The following CLYBL variants were observed in gnomAD, a reference collection of about 807,000 sequenced individuals.
The protein encoded by CLYBL is citramalyl-CoA lyase, mitochondrial.
Under a neutral mutation model 38.9 loss-of-function variants are expected in CLYBL, and 31 were observed. That is an observed-to-expected ratio of 0.80 (90% CI 0.60 to 1.08). The LOEUF is 1.08. CLYBL is among the 50% of genes least tolerant of loss of function. The pLI is 0.00. For synonymous variants in CLYBL, 171 were observed against 158.6 expected (o/e 1.08, Z -0.59); for missense variants, 434 against 411.6 (o/e 1.05, Z -0.47).
downstream of CLYBL, among the ~76,000 whole-genome samples, chr13:99,901,390 T>C (rs1033659856): frequency 7.2e-5 from 11 of 152,100 alleles, no homozygotes; most frequent in African/African-American, 2.7e-4. Context: ...GTTTTGGAGG[T>C]AAATCGAATG....
At chr13:99,755,326 T>C (rs1445635903) in intron 1 of CLYBL, among the ~76,000 whole-genome samples, 1 of 152,172 alleles carries the variant, frequency 6.6e-6, no homozygotes, top group African/African-American at 2.4e-5. Flanking sequence ...TCCAGTGAAG[T>C]TGCTCATGTG....
intron 1 of CLYBL, among the ~76,000 whole-genome samples, chr13:99,715,210 A>G (rs2048293889): frequency 6.6e-6 from 1 of 151,940 alleles, no homozygotes; most frequent in Non-Finnish European, 1.5e-5. Flanking sequence ...GCAACTGGGG[A>G]ATTCTCATTA....
At chr13:99,637,844 C>T (rs2047041389) in intron 1 of CLYBL, among the ~76,000 whole-genome samples, 1 of 151,890 alleles carries the variant, frequency 6.6e-6, no homozygotes, top group Non-Finnish European at 1.5e-5. Flanking sequence ...ATACATACAT[C>T]CATTCATATT....
intron 1 of CLYBL, among the ~76,000 whole-genome samples, chr13:99,723,818 G>A (rs1365884234): frequency 3.9e-5 from 6 of 152,312 alleles, no homozygotes; most frequent in Admixed American, 3.9e-4. Flanking sequence ...TCCAGTTTGG[G>A]TAGGTAAGTT....
chr13:99,837,120 T>C (rs1406026262), intron 2 of CLYBL, among the ~76,000 whole-genome samples: 1 of 152,072 alleles, frequency 6.6e-6, no homozygotes, highest in African/African-American at 2.4e-5. Flanking sequence ...TCTCATAGGA[T>C]TCTTGCCTTC....
At chr13:99,673,630 G>A (rs1483646660) in intron 1 of CLYBL, among the ~76,000 whole-genome samples, 3 of 152,192 alleles carry the variant, frequency 2.0e-5, no homozygotes, top group South Asian at 4.1e-4. Context: ...CTGTGGGCTG[G>A]TGTGAAGTGA....
chr13:99,710,858 T>C (rs566442506), intron 1 of CLYBL, among the ~76,000 whole-genome samples: 2 of 150,486 alleles, frequency 1.3e-5, no homozygotes, highest in Admixed American at 1.3e-4. Context: ...ACAAGTCTCC[T>C]GGCTTCTCTT....
Position 99,864,849 on chromosome 13 carries a change from C to G in CLYBL, c.572C>G (p.Pro191Arg). The G allele has an allele frequency of 6.2e-7, 1 of 1,613,976 alleles. No individual in the cohort carries two copies. The highest frequency in any genetic ancestry group is 1.1e-5 in the South Asian group (1 of 91,074). ...AVCEETLKVG[P>R]QVGLFLDAVV... Reference sequence around the variant, plus strand: ...TGTGAAGAAACCCTGAAGGTCGGGCCTCAAGTAGGTCTCTTTCTAGATGCA... The same window carrying G: ...TGTGAAGAAACCCTGAAGGTCGGGCGTCAAGTAGGTCTCTTTCTAGATGCA... The change falls in exon 5 of 9, where the codon CCT becomes CGT. Residue 191 changes from proline to arginine, a missense_variant. By Grantham distance (103) the Pro-to-Arg change is moderately radical. Transcript: ENST00000339105.
chr13:99,866,799 A>G (rs1433339338), intron 6 of CLYBL, among the ~76,000 whole-genome samples: 1 of 151,894 alleles, frequency 6.6e-6, no homozygotes, highest in Non-Finnish European at 1.5e-5. Context: ...AATTTAATTC[A>G]TTTCTGAAAA....
chr13:99,721,003 A>T (rs922559469), intron 1 of CLYBL, among the ~76,000 whole-genome samples: 1 of 147,650 alleles, frequency 6.8e-6, no homozygotes, highest in African/African-American at 2.5e-5. Context: ...CATGTCCTGT[A>T]TGATTTCCCC....
intron 1 of CLYBL, among the ~76,000 whole-genome samples, chr13:99,635,369 G>A (rs529222319): frequency 6.6e-6 from 1 of 152,072 alleles, no homozygotes; most frequent in South Asian, 2.1e-4. Context: ...GCAGAGTGAG[G>A]TCCTGTCTTT....
At chr13:99,638,002 C>T (rs11069372) in intron 1 of CLYBL, among the ~76,000 whole-genome samples, 60,424 of 136,058 alleles carry the variant, frequency 0.44, 13,260 homozygotes, top group East Asian at 0.69. Flanking sequence ...CTTGCTCTGT[C>T]GCCTAGGCTG....
chr13:99,832,370 G>A (rs1263424782), intron 2 of CLYBL, among the ~76,000 whole-genome samples: 1 of 152,146 alleles, frequency 6.6e-6, no homozygotes, highest in African/African-American at 2.4e-5. Context: ...AGACCTCATT[G>A]TTACCTTCCC....
chr13:99,665,283 A>AGTGC (rs1272513331), intron 1 of CLYBL, among the ~76,000 whole-genome samples: 4 of 151,958 alleles, frequency 2.6e-5, no homozygotes, highest in Non-Finnish European at 5.9e-5. Flanking sequence ...AGCAGTCCAA[A>AGTGC]GTGCTAAAGG....
chr13:99,799,413 A>G (rs892923492), intron 2 of CLYBL, among the ~76,000 whole-genome samples: 6 of 152,194 alleles, frequency 3.9e-5, no homozygotes, highest in African/African-American at 1.4e-4. Flanking sequence ...ACTTAATAGT[A>G]TATGAGTGGC....
At chr13:99,695,914 G>T (rs146560070) in intron 1 of CLYBL, among the ~76,000 whole-genome samples, 1 of 152,298 alleles carries the variant, frequency 6.6e-6, no homozygotes, top group East Asian at 1.9e-4. Context: ...TCCTACTTCT[G>T]CAGTTTTCTC....
chr13:99,764,693 G>T (rs9513659), intron 1 of CLYBL, among the ~76,000 whole-genome samples: 77,155 of 151,298 alleles, frequency 0.51, 19,735 homozygotes, highest in African/African-American at 0.55. Flanking sequence ...TTTTTATTTT[G>T]TGAGACAGCA....
intron 1 of CLYBL, among the ~76,000 whole-genome samples, chr13:99,612,412 A>T (rs1353064959): frequency 3.2e-5 from 4 of 126,586 alleles, no homozygotes; most frequent in African/African-American, 1.1e-4. Context: ...TTTTGAGACA[A>T]GGTCTTGCTC....
At chr13:99,729,072 G>A (rs939617972) in intron 1 of CLYBL, among the ~76,000 whole-genome samples, 4 of 152,196 alleles carry the variant, frequency 2.6e-5, no homozygotes, top group Non-Finnish European at 5.9e-5. Context: ...CCATCCAATT[G>A]TCTCCTTCCC....
Sources: allele counts gnomAD v4.1 joint callset (sites outside exome capture counted in the v4.1 genomes callset), GRCh38; gene constraint gnomAD v4.1.1; transcripts MANE v1.5; gene names NCBI Gene and HGNC (gene_info 2026-07-23, HGNC 2026-07-21).